Variants in NYAP2 observed in about 807,000 individuals in gnomAD.
NYAP2 encodes the protein neuronal tyrosine-phosphorylated phosphoinositide-3-kinase adapter 2.
NYAP2 carries 23 observed loss-of-function variants against 50.4 expected under a neutral mutation model. That is an observed-to-expected ratio of 0.46 (90% confidence interval 0.33 to 0.65). The LOEUF is 0.65. Ranked by LOEUF, NYAP2 falls within the 30% of genes least tolerant of loss-of-function variation. NYAP2 has a pLI of 0.02. For synonymous variants in NYAP2, 394 were observed against 365.2 expected, an observed-to-expected ratio of 1.08 and a Z score of -0.90; for missense variants, 885 against 861.0, an observed-to-expected ratio of 1.03 and a Z score of -0.35.
chr2:225,692,016 C>T, the NYAP2 span, among the ~76,000 whole-genome samples: 3 of 152,068 alleles, frequency 2.0e-5, no homozygotes, highest in Non-Finnish European at 4.4e-5. Context: ...GATTGCTGTG[C>T]CTATTGTTCA....
intron 4 of NYAP2, among the ~76,000 whole-genome samples, chr2:225,550,339 T>A (rs1691650327): frequency 6.6e-6 from 1 of 151,978 alleles, no homozygotes; most frequent in South Asian, 2.1e-4. Context: ...TTATATGAGA[T>A]ATTACAAAAA....
At chr2:225,563,853 A>T (rs977748291) in intron 4 of NYAP2, among the ~76,000 whole-genome samples, 1 of 152,056 alleles carries the variant, frequency 6.6e-6, no homozygotes, top group Non-Finnish European at 1.5e-5. Context: ...TTTAATTTTT[A>T]GGTTAATATC....
chr2:225,401,358 C>T (rs1694858760), intron 2 of NYAP2, among the ~76,000 whole-genome samples: 1 of 152,034 alleles, frequency 6.6e-6, no homozygotes, highest in South Asian at 2.1e-4. Flanking sequence ...TATTAATTGG[C>T]ATTCAAGTTG....
intron 3 of NYAP2, among the ~76,000 whole-genome samples, chr2:225,491,405 T>C (rs1264614395): frequency 6.6e-6 from 1 of 152,216 alleles, no homozygotes; most frequent in Non-Finnish European, 1.5e-5. Context: ...AATCATATTT[T>C]ATGTTGAATA....
At chr2:225,590,936 A>G (rs1013713701) in intron 5 of NYAP2, among the ~76,000 whole-genome samples, 1 of 152,218 alleles carries the variant, frequency 6.6e-6, no homozygotes, top group Non-Finnish European at 1.5e-5. Flanking sequence ...CACTTCCTTC[A>G]TCAGAATTCC....
At chr2:225,699,059 A>G in the NYAP2 span, 1 of 151,906 alleles carries the variant, frequency 6.6e-6, no homozygotes, top group African/African-American at 2.4e-5. Context: ...ATTTGTTAAG[A>G]GCATCTGTGC....
intron 6 of NYAP2, among the ~76,000 whole-genome samples, chr2:225,640,497 G>A (rs2106265565): frequency 6.6e-6 from 1 of 152,296 alleles, no homozygotes; most frequent in Non-Finnish European, 1.5e-5. Flanking sequence ...GTTTTATACA[G>A]CAAGGGAGCC....
intron 3 of NYAP2, among the ~76,000 whole-genome samples, chr2:225,410,243 G>A (rs778791416): frequency 5.3e-5 from 8 of 152,000 alleles, no homozygotes; most frequent in East Asian, 1.9e-4. Context: ...TTCTCTGGAC[G>A]ATTAAAATGA....
chr2:225,575,557 C>T (rs543254480), intron 4 of NYAP2, among the ~76,000 whole-genome samples: 1 of 152,268 alleles, frequency 6.6e-6, no homozygotes, highest in African/African-American at 2.4e-5. Context: ...GCTAGGGTTT[C>T]ATTTTCATTA....
intron 6 of NYAP2, among the ~76,000 whole-genome samples, chr2:225,637,938 C>T (rs185387417): frequency 2.6e-5 from 4 of 152,140 alleles, no homozygotes; most frequent in East Asian, 1.9e-4. Context: ...CATTTCAAGG[C>T]GAAAAGCTTG....
At chr2:225,408,811 C>A in intron 2 of NYAP2, 53 bp from the exon 3 acceptor site, 1 of 960,520 alleles carries the variant, frequency 1.0e-6, no homozygotes. Flanking sequence ...ATAAACAGCA[C>A]CTTGCTTTTT....
chr2:225,446,246 C>CTCTATATATA (rs1239402824), intron 3 of NYAP2, among the ~76,000 whole-genome samples: 1 of 82,272 alleles, frequency 1.2e-5, no homozygotes, highest in Non-Finnish European at 2.1e-5. Context: ...CTCTCTCTCT[C>CTCTATATATA]TATATATATA....
intron 4 of NYAP2, among the ~76,000 whole-genome samples, chr2:225,553,284 C>G (rs1424374885): frequency 6.6e-6 from 1 of 152,200 alleles, no homozygotes; most frequent in Non-Finnish European, 1.5e-5. Flanking sequence ...ACAAGTTCCC[C>G]CTAGTTCCCC....
intron 3 of NYAP2, among the ~76,000 whole-genome samples, chr2:225,487,213 G>C (rs142949759): frequency 6.6e-6 from 1 of 152,130 alleles, no homozygotes. Context: ...CTAGTATTTC[G>C]GCAGGAAGTA....
At chr2:225,446,719 C>T (rs1040515941) in intron 3 of NYAP2, among the ~76,000 whole-genome samples, 1 of 152,040 alleles carries the variant, frequency 6.6e-6, no homozygotes, top group African/African-American at 2.4e-5. Context: ...TTCAAAGCAA[C>T]TGTAATTTTC....
the NYAP2 span, among the ~76,000 whole-genome samples, chr2:225,663,744 G>T: frequency 2.0e-5 from 3 of 152,096 alleles, no homozygotes; most frequent in Non-Finnish European, 4.4e-5. Flanking sequence ...TTTTAGTAGA[G>T]ACGGGGTTTC....
chr2:225,629,005 A>C (rs1446584939), intron 6 of NYAP2, among the ~76,000 whole-genome samples: 3 of 152,210 alleles, frequency 2.0e-5, no homozygotes, highest in Non-Finnish European at 2.9e-5. Context: ...ATATATAGAT[A>C]TAAATATATA....
intron 3 of NYAP2, among the ~76,000 whole-genome samples, chr2:225,458,333 A>G (rs1689771931): frequency 6.6e-6 from 1 of 152,188 alleles, no homozygotes; most frequent in Non-Finnish European, 1.5e-5. Flanking sequence ...CCTGGGTGAC[A>G]GAAAATCTAC....
chr2:225,399,225 CA>C (rs1317423201), upstream of NYAP2, among the ~76,000 whole-genome samples: 1 of 151,960 alleles, frequency 6.6e-6, no homozygotes, highest in Non-Finnish European at 1.5e-5. Context: ...CCATCAGAAA[CA>C]TATTATATAT....
Sources: gnomAD v4.1 joint callset for allele counts (sites outside exome capture counted in the v4.1 genomes callset) on GRCh38, gnomAD v4.1.1 for gene constraint, MANE v1.5 for transcripts, NCBI Gene and HGNC (gene_info 2026-07-23, HGNC 2026-07-21) for gene names.